KCNH1: variants seen among roughly 807,000 people sequenced by gnomAD.
KCNH1 encodes the protein potassium voltage-gated channel subfamily H member 1, also known as voltage-gated delayed rectifier potassium channel KCNH1.
In KCNH1, 27 loss-of-function variants were observed where a neutral mutation model predicts 69.2. The ratio of observed to expected loss-of-function variants is 0.39; its 90% CI spans 0.29 to 0.54. KCNH1 has a LOEUF of 0.54. Among genes scored for constraint, KCNH1 ranks in the 20% least tolerant of loss-of-function variants. KCNH1 has a pLI of 0.68. For synonymous variants in KCNH1, 456 were observed against 487.7 expected (o/e 0.93, Z 0.86); for missense variants, 798 against 1,261.6 (o/e 0.63, Z 5.57).
chr1:210,809,738 G>A (rs1251352600), intron 7 of KCNH1, among the ~76,000 whole-genome samples: 2 of 152,180 alleles, frequency 1.3e-5, no homozygotes, highest in African/African-American at 4.8e-5. Context: ...ATCACAAAAG[G>A]GAGGAGCAGC....
At chr1:210,964,680 G>A (rs867344106) in intron 6 of KCNH1, among the ~76,000 whole-genome samples, 5 of 152,104 alleles carry the variant, frequency 3.3e-5, no homozygotes, top group African/African-American at 1.2e-4. Context: ...GATACAAGAG[G>A]AGCTGGTACC....
intron 6 of KCNH1, among the ~76,000 whole-genome samples, chr1:210,959,513 C>G (rs551461256): frequency 1.3e-5 from 2 of 152,210 alleles, no homozygotes; most frequent in African/African-American, 4.8e-5. Context: ...TCAGCTATGC[C>G]CTGTCCACAG....
intron 10 of KCNH1, among the ~76,000 whole-genome samples, chr1:210,725,040 T>C (rs2149028425): frequency 6.6e-6 from 1 of 152,318 alleles, no homozygotes; most frequent in Middle Eastern, 3.4e-3. Flanking sequence ...GACATCTTAG[T>C]TGAGACATAA....
intron 8 of KCNH1, among the ~76,000 whole-genome samples, chr1:210,798,499 C>A (rs1324785888): frequency 1.3e-5 from 2 of 152,230 alleles, no homozygotes; most frequent in African/African-American, 4.8e-5. Flanking sequence ...TCAGAGACAA[C>A]ACCAAGTATG....
At chr1:211,036,103 C>A (rs553349518) in intron 5 of KCNH1, among the ~76,000 whole-genome samples, 10 of 152,196 alleles carry the variant, frequency 6.6e-5, no homozygotes, top group Non-Finnish European at 1.2e-4. Context: ...AGAGCAGTCT[C>A]AAATCCATCT....
chr1:210,868,310 T>C (rs894148250), intron 7 of KCNH1, among the ~76,000 whole-genome samples: 3 of 152,010 alleles, frequency 2.0e-5, no homozygotes, highest in Non-Finnish European at 4.4e-5. Flanking sequence ...TTGAGTTGTA[T>C]AAGTTTTTTT....
At chr1:210,705,907 T>G (rs1021943517) in intron 10 of KCNH1, among the ~76,000 whole-genome samples, 1 of 152,230 alleles carries the variant, frequency 6.6e-6, no homozygotes, top group Non-Finnish European at 1.5e-5. Context: ...CCTCTGACTA[T>G]AATCATAATC....
chr1:211,046,907 A>G (rs563441071), intron 5 of KCNH1, among the ~76,000 whole-genome samples: 1 of 152,344 alleles, frequency 6.6e-6, no homozygotes, highest in East Asian at 1.9e-4. Flanking sequence ...AATTAATACT[A>G]ACCAATGGAA....
chr1:211,022,922 G>A (rs1262675536), intron 5 of KCNH1, among the ~76,000 whole-genome samples: 1 of 151,736 alleles, frequency 6.6e-6, no homozygotes, highest in Non-Finnish European at 1.5e-5. Flanking sequence ...GACCAGCCTG[G>A]CCAACATGGT....
intron 10 of KCNH1, among the ~76,000 whole-genome samples, chr1:210,769,250 A>G (rs1397935789): frequency 6.6e-6 from 1 of 152,146 alleles, no homozygotes; most frequent in Non-Finnish European, 1.5e-5. Flanking sequence ...ATTCAGGGAG[A>G]AAATTTAAAA....
intron 7 of KCNH1, among the ~76,000 whole-genome samples, chr1:210,805,432 T>C (rs1684530818): frequency 6.6e-6 from 1 of 152,126 alleles, no homozygotes; most frequent in African/African-American, 2.4e-5. Context: ...AAAAGTTGTG[T>C]CATGCCTCTT....
chr1:210,903,153 C>T (rs2102538378), intron 7 of KCNH1, among the ~76,000 whole-genome samples: 1 of 152,180 alleles, frequency 6.6e-6, no homozygotes, highest in East Asian at 1.9e-4. Context: ...CAGTAAATGT[C>T]CATTGTTCCT....
intron 7 of KCNH1, among the ~76,000 whole-genome samples, chr1:210,913,407 C>G (rs1687275344): frequency 6.6e-6 from 1 of 151,402 alleles, no homozygotes. Flanking sequence ...CTGGGAAGAG[C>G]AAGAAACAAA....
At chr1:210,819,254 A>G (rs550956170) in intron 7 of KCNH1, among the ~76,000 whole-genome samples, 1 of 152,346 alleles carries the variant, frequency 6.6e-6, no homozygotes, top group East Asian at 1.9e-4. Context: ...CAGATTTTGC[A>G]GAGTCTAGGA....
chr1:210,936,896 T>C (rs1419411383), intron 6 of KCNH1, among the ~76,000 whole-genome samples: 1 of 152,190 alleles, frequency 6.6e-6, no homozygotes, highest in Admixed American at 6.6e-5. Context: ...CCACTCTTTT[T>C]CCCTTATCCC....
At chr1:210,741,478 A>T (rs995573214) in intron 10 of KCNH1, among the ~76,000 whole-genome samples, 5 of 152,288 alleles carry the variant, frequency 3.3e-5, no homozygotes, top group Admixed American at 1.3e-4. Flanking sequence ...GAGGACAGGA[A>T]AAAAGCAACA....
Position 211,134,061 on chromosome 1 carries a change from G to C in KCNH1, c.-116C>G. The stretch of plus-strand genomic sequence containing the variant: ...TCGAAGCGCCCCATGCGCCCGGCGG[G>C]GATCCGCAGGCAGGGCTGGCGGCTC... On this transcript the variant is annotated 5_prime_UTR_variant, in exon 1 of 11. Coordinates refer to ENST00000271751, the MANE Select transcript of KCNH1 (RefSeq NM_172362.3). This position sits in a 1 kb window ranked among gnomAD's most constrained non-coding sequence, Gnocchi z 5.7. The C allele has an allele frequency of 1.2e-6, 1 of 848,886 alleles. No individual in the cohort carries two copies. The highest frequency in any genetic ancestry group is 1.9e-6 in the Non-Finnish European group (1 of 535,974). The allele number at this position is 848,886 out of a possible 1,614,324, so 52.6% of individuals were successfully genotyped here.
chr1:210,861,939 G>A, intron 7 of KCNH1: 1 of 764,440 alleles, frequency 1.3e-6, no homozygotes, highest in East Asian at 2.4e-5. Context: ...GTTTGGTGAT[G>A]TGATGAATGC....
intron 7 of KCNH1, among the ~76,000 whole-genome samples, chr1:210,842,235 C>T (rs1685427702): frequency 2.0e-5 from 3 of 152,216 alleles, no homozygotes; most frequent in Middle Eastern, 6.8e-3. Context: ...CACATAAGGT[C>T]TTAGTTATTT....
Sources: gnomAD v4.1 joint callset for allele counts (sites outside exome capture counted in the v4.1 genomes callset) on GRCh38, gnomAD v4.1.1 for gene constraint, Gnocchi (gnomAD v3.1) non-coding constraint, MANE v1.5 for transcripts, NCBI Gene and HGNC (gene_info 2026-07-23, HGNC 2026-07-21) for gene names.